The following PARP14 variants were observed in gnomAD, a reference collection of about 807,000 sequenced individuals.
PARP14 encodes protein mono-ADP-ribosyltransferase PARP14.
A neutral mutation model predicts 154.2 loss-of-function variants in PARP14; 59 were observed. The ratio of observed to expected loss-of-function variants is 0.38; its 90% CI spans 0.31 to 0.48. PARP14 has a LOEUF of 0.48. Ranked by LOEUF, PARP14 falls within the 20% of genes least tolerant of loss-of-function variation. PARP14 has a pLI of 0.98. For missense variants in PARP14, 1,734 were observed against 2,131.6 expected, an observed-to-expected ratio of 0.81 and a Z score of 3.67; for synonymous variants, 720 against 780.5, an observed-to-expected ratio of 0.92 and a Z score of 1.29.
chr3:122,728,288 A>T lies in PARP14; in HGVS notation c.5117-20A>T. ...TTTACATTAACTTGAAATGCTTAAA[A>T]ATGGTTTTTCTTTTCACAGCTGTGG... On this transcript the variant is annotated intron_variant, in intron 16 of 16. Transcript: ENST00000474629. 1 of 1,599,518 alleles carries T rather than the reference A, an allele frequency of 6.3e-7. No individual in the cohort carries two copies.
rs1463629076 is a variant in PARP14, at chr3:122,699,593, G to A, written c.1039G>A (p.Glu347Lys). The part of the protein sequence containing the change: ...KNHLIEEIND[E>K]MRRCHCELTW... ...TCACCTCATTGAGGAGATAAACGATGAAATGAGGCGTTGTCACTGTGAGCT... is the reference window on the plus strand; with the variant it reads ...TCACCTCATTGAGGAGATAAACGATAAAATGAGGCGTTGTCACTGTGAGCT... Residue 347 changes from glutamate to lysine, a missense_variant, in exon 6 of 17, where the codon GAA becomes AAA. Around this residue, in one of 2 missense-constraint regions of PARP14, gnomAD observed 1,646 missense variants for 1,976.0 expected, o/e 0.83. Transcript: ENST00000474629. 4.3e-6 allele frequency: 7 copies of A among 1,613,840 alleles called. No homozygotes were observed. Among genetic ancestry groups the A allele is most frequent in the Non-Finnish European group, 5.9e-6 (7 of 1,179,832 alleles).
chr3:122,713,998 GAA>G, intron 11 of PARP14, 64 bp downstream of exon 11: 6 of 1,241,200 alleles, frequency 4.8e-6, no homozygotes, highest in Non-Finnish European at 7.1e-6. Flanking sequence ...GAGAGGCTGA[GAA>G]AAGTCTTAGG....
At chr3:122,706,509 A>G (rs1389841346) in intron 8 of PARP14, among the ~76,000 whole-genome samples, 4 of 152,212 alleles carry the variant, frequency 2.6e-5, no homozygotes, top group Admixed American at 2.6e-4. Context: ...ACTACAACCT[A>G]AAACTTCAAA....
intron 11 of PARP14, 24 bp downstream of exon 11, chr3:122,713,958 T>C: frequency 6.4e-7 from 1 of 1,574,488 alleles, no homozygotes; most frequent in Non-Finnish European, 8.7e-7. Flanking sequence ...TATTTTTTGG[T>C]CCTAAGTTGT....
At chr3:122,691,094 G>C (rs938805382) in intron 3 of PARP14, among the ~76,000 whole-genome samples, 1 of 152,192 alleles carries the variant, frequency 6.6e-6, no homozygotes, top group Non-Finnish European at 1.5e-5. Flanking sequence ...CAGAAAACTT[G>C]AGAAATATTG....
At chr3:122,716,223 C>T (rs1932991853) in intron 12 of PARP14, among the ~76,000 whole-genome samples, 1 of 152,190 alleles carries the variant, frequency 6.6e-6, no homozygotes, top group Non-Finnish European at 1.5e-5. Context: ...TACCTGTGAT[C>T]ACCTCAAGCT....
chr3:122,727,373 G>C (rs2107657295), intron 15 of PARP14, among the ~76,000 whole-genome samples: 1 of 152,284 alleles, frequency 6.6e-6, no homozygotes, highest in African/African-American at 2.4e-5. Flanking sequence ...TTTCATTCTT[G>C]CCTAGATATT....
In PARP14 at chr3:122,700,070, C is replaced by A; in HGVS notation, c.1516C>A (p.Gln506Lys). The A allele has an allele frequency of 6.2e-7, 1 of 1,613,766 alleles. No individual in the cohort carries two copies. Among genetic ancestry groups the A allele is most frequent in the Middle Eastern group, 1.6e-4 (1 of 6,062 alleles). ...AGAGATTTGTTACGATAGAGTCACTCAACACTTGTGCTTGAAAGGACCTAG... is the reference window on the plus strand; with the variant it reads ...AGAGATTTGTTACGATAGAGTCACTAAACACTTGTGCTTGAAAGGACCTAG... ...EIEICYDRVTQHLCLKGPSAD... is the reference protein window; with the variant it reads ...EIEICYDRVTKHLCLKGPSAD... The change falls in exon 6 of 17, where the codon CAA (glutamine) becomes AAA (lysine). Residue 506 changes from glutamine to lysine, a missense_variant. Physicochemically the swap from Gln to Lys is moderately conservative, Grantham distance 53. Coordinates refer to ENST00000474629, the MANE Select transcript of PARP14 (RefSeq NM_017554.3).
At chr3:122,704,311 T>C (rs1576591426) in intron 7 of PARP14, among the ~76,000 whole-genome samples, 2 of 152,266 alleles carry the variant, frequency 1.3e-5, no homozygotes, top group Non-Finnish European at 2.9e-5. Context: ...GTTGCTTTGC[T>C]TCTTTCCTTC....
intron 1 of PARP14, among the ~76,000 whole-genome samples, chr3:122,684,489 T>C (rs1576578255): frequency 6.6e-6 from 1 of 152,238 alleles, no homozygotes; most frequent in Non-Finnish European, 1.5e-5. Flanking sequence ...GAAGTTAAGG[T>C]ATTCACTCAG....
chr3:122,710,788 GTATTT>G (rs1939298751), intron 9 of PARP14, among the ~76,000 whole-genome samples: 1 of 143,494 alleles, frequency 7.0e-6, no homozygotes. Context: ...ATATTCCTAG[GTATTT>G]TATTTATTTA....
At chr3:122,721,219 A>G (rs6438759) in intron 15 of PARP14, 207,980 of 233,872 alleles carry the variant, frequency 0.89, 92,558 homozygotes, top group East Asian at 0.98. Context: ...GTTCAATGTC[A>G]ATAGCTCCCA....
chr3:122,715,644 A>T (rs1316041993), intron 12 of PARP14, among the ~76,000 whole-genome samples: 2 of 147,740 alleles, frequency 1.4e-5, no homozygotes, highest in Non-Finnish European at 3.0e-5. Flanking sequence ...CTATCTATCT[A>T]TCTATCTATC....
Position 122,713,475 on chromosome 3 carries a change from T to C in PARP14, c.3671T>C (p.Ile1224Thr), listed in dbSNP as rs1438060998. 1.9e-6 allele frequency: 3 copies of C among 1,613,428 alleles called. No homozygotes were observed. In the African/African-American group the frequency reaches 4.0e-5, roughly 22 times the overall value. The change falls in exon 10 of 17, where the codon ATT becomes ACT. Residue 1224 changes from isoleucine (I) to threonine (T), a missense_variant. Ile to Thr is a moderately conservative substitution (Grantham distance 89, BLOSUM62 -1). Coordinates refer to ENST00000474629, the MANE Select transcript of PARP14 (RefSeq NM_017554.3). ...SPDSGVYEMK[I>T]GSIIFQVASG... ...GATTCAGGTGTGTATGAAATGAAGATTGGCTCCATCATCTTCCAGGTGGCT... is the reference window on the plus strand; with the variant it reads ...GATTCAGGTGTGTATGAAATGAAGACTGGCTCCATCATCTTCCAGGTGGCT...
chr3:122,713,385 G>A (rs1274792326), intron 9 of PARP14, 39 bp from the exon 10 acceptor site: 1 of 1,579,134 alleles, frequency 6.3e-7, no homozygotes, highest in Non-Finnish European at 8.6e-7. Flanking sequence ...TTCTTGCTGT[G>A]GCTGACTCGG....
At chr3:122,712,233 T>G (rs1939343324) in intron 9 of PARP14, among the ~76,000 whole-genome samples, 1 of 130,938 alleles carries the variant, frequency 7.6e-6, no homozygotes, top group Non-Finnish European at 1.6e-5. Context: ...CTTTTTGGGA[T>G]TCACATCTTT....
chr3:122,707,930 T>C (rs986590111), intron 8 of PARP14, among the ~76,000 whole-genome samples: 1 of 152,260 alleles, frequency 6.6e-6, no homozygotes, highest in African/African-American at 2.4e-5. Flanking sequence ...TTCTCTGTTA[T>C]GAATAGCACT....
chr3:122,710,687 G>C (rs914268736), intron 9 of PARP14, among the ~76,000 whole-genome samples: 3 of 152,078 alleles, frequency 2.0e-5, no homozygotes, highest in Non-Finnish European at 4.4e-5. Context: ...CCATCCATGA[G>C]CATGGAATGT....
At chr3:122,687,563 T>C (rs984765215) in intron 3 of PARP14, among the ~76,000 whole-genome samples, 2 of 152,214 alleles carry the variant, frequency 1.3e-5, no homozygotes, top group South Asian at 2.1e-4. Context: ...TCTGTGAACA[T>C]AGGCTTTTGA....
Sources: gnomAD v4.1 joint callset for allele counts (sites outside exome capture counted in the v4.1 genomes callset) on GRCh38, gnomAD v4.1.1 for gene constraint, gnomAD v4.1.1 regional missense constraint, MANE v1.5 for transcripts, NCBI Gene and HGNC (gene_info 2026-07-23, HGNC 2026-07-21) for gene names.